GABBR2: variants seen among roughly 807,000 people sequenced by gnomAD.
GABBR2 encodes the protein G-protein coupled receptor 51.
A neutral mutation model predicts 105.6 loss-of-function variants in GABBR2; 23 were observed. The ratio of observed to expected loss-of-function variants is 0.22; its 90% confidence interval spans 0.16 to 0.31. The LOEUF (loss-of-function observed/expected upper bound fraction) is 0.31. GABBR2 is among the 10% of genes least tolerant of loss of function. The pLI, the probability that GABBR2 is intolerant of heterozygous loss-of-function variation, is 1.00. For missense variants in GABBR2, 734 were observed against 1,245.5 expected (o/e 0.59, Z 6.18); for synonymous variants, 478 against 499.7 (o/e 0.96, Z 0.58).
chr9:98,485,350 G>A (rs1827021525), intron 4 of GABBR2, among the ~76,000 whole-genome samples: 1 of 152,138 alleles, frequency 6.6e-6, no homozygotes, highest in South Asian at 2.1e-4. Context: ...ATGAGTGAGG[G>A]AGAGGCCCAC....
At chr9:98,377,423 G>C (rs1831895439) in intron 11 of GABBR2, among the ~76,000 whole-genome samples, 1 of 152,242 alleles carries the variant, frequency 6.6e-6, no homozygotes, top group African/African-American at 2.4e-5. Context: ...AGCTCACTCA[G>C]AGGGGTCCCT....
chr9:98,426,035 G>C (rs1345257212), intron 7 of GABBR2, among the ~76,000 whole-genome samples: 2 of 152,190 alleles, frequency 1.3e-5, no homozygotes, highest in Non-Finnish European at 2.9e-5. Flanking sequence ...AATGAATGAA[G>C]AAACGGAGAG....
chr9:98,343,710 T>C (rs1205688167), intron 13 of GABBR2, among the ~76,000 whole-genome samples: 1 of 151,864 alleles, frequency 6.6e-6, no homozygotes, highest in Non-Finnish European at 1.5e-5. Flanking sequence ...ATACAAAAAT[T>C]AGCCGGGTAT....
At chr9:98,297,782 G>A (rs1830405026) in intron 17 of GABBR2, among the ~76,000 whole-genome samples, 1 of 151,612 alleles carries the variant, frequency 6.6e-6, no homozygotes, top group Non-Finnish European at 1.5e-5. Flanking sequence ...AGCACTTTGG[G>A]AGGCTGAGGC....
At chr9:98,443,302 C>T (rs567540799) in intron 7 of GABBR2, among the ~76,000 whole-genome samples, 32 of 152,310 alleles carry the variant, frequency 2.1e-4, no homozygotes, top group African/African-American at 7.5e-4. Flanking sequence ...CCCCACACTG[C>T]TTTTCTTAAG....
chr9:98,473,713 T>C (rs1826733593), intron 5 of GABBR2, among the ~76,000 whole-genome samples: 1 of 152,174 alleles, frequency 6.6e-6, no homozygotes, highest in South Asian at 2.1e-4. Context: ...AACAAGGTTA[T>C]TTACACAACT....
At chr9:98,332,186 C>G (rs753275006) in intron 13 of GABBR2, among the ~76,000 whole-genome samples, 12 of 152,184 alleles carry the variant, frequency 7.9e-5, no homozygotes, top group Admixed American at 2.6e-4. Context: ...AAACAGAACA[C>G]TCTCTGCAGC....
chr9:98,349,056 G>A (rs1016784258), intron 13 of GABBR2, among the ~76,000 whole-genome samples: 1 of 152,154 alleles, frequency 6.6e-6, no homozygotes, highest in African/African-American at 2.4e-5. Context: ...GATATTAGCT[G>A]TAGGTTTGTC....
chr9:98,330,035 T>G, intron 13 of GABBR2, among the ~76,000 whole-genome samples: 1 of 152,164 alleles, frequency 6.6e-6, no homozygotes, highest in East Asian at 1.9e-4. Context: ...AGAGTAGGCG[T>G]TATCAAGAGC....
At chr9:98,503,793 G>A (rs1183956164) in intron 3 of GABBR2, among the ~76,000 whole-genome samples, 1 of 152,076 alleles carries the variant, frequency 6.6e-6, no homozygotes, top group Admixed American at 6.6e-5. Context: ...GCTGGCTGGG[G>A]CTGCCGTCAC....
chr9:98,608,976 T>C (rs193028073), intron 1 of GABBR2, among the ~76,000 whole-genome samples: 216 of 152,312 alleles, frequency 1.4e-3, no homozygotes, highest in African/African-American at 5.0e-3. Context: ...ATGACCAACC[T>C]GTTTCTACCT....
chr9:98,698,398 C>T (rs79980011), intron 1 of GABBR2, among the ~76,000 whole-genome samples: 16,288 of 152,158 alleles, frequency 0.11, 995 homozygotes, highest in African/African-American at 0.15. Context: ...AAAAGAATGC[C>T]CCCATCAGCC....
intron 3 of GABBR2, among the ~76,000 whole-genome samples, chr9:98,532,949 G>A (rs1461071824): frequency 1.3e-5 from 2 of 152,178 alleles, no homozygotes; most frequent in African/African-American, 2.4e-5. Context: ...AAGCAAGCAC[G>A]TGGCAGGTTC....
intron 1 of GABBR2, among the ~76,000 whole-genome samples, chr9:98,590,436 G>A (rs1458011047): frequency 2.6e-5 from 4 of 152,220 alleles, no homozygotes; most frequent in Admixed American, 2.6e-4. Flanking sequence ...CACTATTAAA[G>A]CCAATTACCC....
intron 3 of GABBR2, among the ~76,000 whole-genome samples, chr9:98,498,416 ACTT>A (rs1827328063): frequency 1.3e-5 from 2 of 152,344 alleles, no homozygotes; most frequent in South Asian, 4.1e-4. Flanking sequence ...ATAAAAAAGA[ACTT>A]CTTATTTCAA....
At chr9:98,385,229 G>A (rs1832050495) in intron 11 of GABBR2, among the ~76,000 whole-genome samples, 1 of 152,032 alleles carries the variant, frequency 6.6e-6, no homozygotes, top group Non-Finnish European at 1.5e-5. Context: ...TCCGAGACAG[G>A]GTCTTTCTCT....
At chr9:98,527,276 G>A (rs1827979737) in intron 3 of GABBR2, among the ~76,000 whole-genome samples, 1 of 151,932 alleles carries the variant, frequency 6.6e-6, no homozygotes, top group Non-Finnish European at 1.5e-5. Context: ...CTTGCCCAAA[G>A]TCACCCAGCT....
chr9:98,622,927 A>G (rs992764642), intron 1 of GABBR2, among the ~76,000 whole-genome samples: 1 of 152,198 alleles, frequency 6.6e-6, no homozygotes, highest in Non-Finnish European at 1.5e-5. Context: ...CCAAACCCAC[A>G]GAATGTACAA....
chr9:98,303,781 A>C (rs538020110), intron 15 of GABBR2, among the ~76,000 whole-genome samples: 1 of 152,390 alleles, frequency 6.6e-6, no homozygotes, highest in African/African-American at 2.4e-5. Context: ...CCCCGAGGGC[A>C]ACAGTTGTGA....
Sources: allele counts gnomAD v4.1 joint callset (sites outside exome capture counted in the v4.1 genomes callset), GRCh38; gene constraint gnomAD v4.1.1; transcripts MANE v1.5; gene names NCBI Gene and HGNC (gene_info 2026-07-23, HGNC 2026-07-21).